KIAA1217: variants seen among roughly 807,000 people sequenced by gnomAD.
KIAA1217 encodes the protein KIAA1217.
A neutral mutation model predicts 163.9 loss-of-function variants in KIAA1217; 88 were observed. The ratio of observed to expected loss-of-function variants is 0.54; its 90% CI spans 0.45 to 0.64. The LOEUF (loss-of-function observed/expected upper bound fraction) is 0.64, where lower values mean the gene tolerates loss of function less well. Ranked by LOEUF, KIAA1217 falls within the 30% of genes least tolerant of loss-of-function variation. The pLI is 0.00. For synonymous variants in KIAA1217, 903 were observed against 923.1 expected, an observed-to-expected ratio of 0.98 and a Z score of 0.39; for missense variants, 2,372 against 2,475.0, an observed-to-expected ratio of 0.96 and a Z score of 0.88.
At chr10:23,930,250 T>C (rs1843203949) in intron 1 of KIAA1217, among the ~76,000 whole-genome samples, 1 of 151,600 alleles carries the variant, frequency 6.6e-6, no homozygotes, top group Admixed American at 6.6e-5. Context: ...GGTGCTTTTC[T>C]TATTGATTTA....
chr10:24,036,210 G>A (rs1848391924), intron 2 of KIAA1217, among the ~76,000 whole-genome samples: 1 of 152,224 alleles, frequency 6.6e-6, no homozygotes, highest in Admixed American at 6.5e-5. Flanking sequence ...TCAGAAACCA[G>A]GAAGAGAGTT....
At chr10:24,486,111 T>C (rs547807046) in intron 6 of KIAA1217, among the ~76,000 whole-genome samples, 25 of 152,304 alleles carry the variant, frequency 1.6e-4, no homozygotes, top group Admixed American at 8.5e-4. Flanking sequence ...CAGCTACCCA[T>C]TGGGCCAAGC....
At chr10:24,383,298 G>C (rs963676388) in intron 3 of KIAA1217, among the ~76,000 whole-genome samples, 1 of 152,120 alleles carries the variant, frequency 6.6e-6, no homozygotes, top group Non-Finnish European at 1.5e-5. Flanking sequence ...ATGCCTGTCC[G>C]CCTTCCCCCA....
At chr10:24,388,780 A>G (rs1363480941) in intron 3 of KIAA1217, among the ~76,000 whole-genome samples, 1 of 152,044 alleles carries the variant, frequency 6.6e-6, no homozygotes, top group Non-Finnish European at 1.5e-5. Flanking sequence ...GAAGACATTT[A>G]TGCATCCAAC....
At chr10:24,459,017 C>G (rs182164861) in intron 5 of KIAA1217, among the ~76,000 whole-genome samples, 2 of 152,104 alleles carry the variant, frequency 1.3e-5, no homozygotes, top group African/African-American at 4.8e-5. Flanking sequence ...CGGCACCACC[C>G]GAGACCTACT....
rs140091105 is a variant in KIAA1217, at chr10:23,796,156, G to T, written c.-321+100922G>T. On this transcript the variant is annotated intron_variant, in intron 1 of 18. Coordinates refer to the KIAA1217 transcript ENST00000376462. ...CATGCCATGCAAAGATTTTAGCTTTGGTTCCCAAAGGACATAGGGGTGTGT... is the reference window on the plus strand; with the variant it reads ...CATGCCATGCAAAGATTTTAGCTTTTGTTCCCAAAGGACATAGGGGTGTGT... 3.3e-5 allele frequency among the ~76,000 whole-genome samples: 5 copies of T among 152,022 alleles called. No homozygotes were observed. The East Asian group carries it at 9.7e-4, about 30-fold the overall frequency.
intron 1 of KIAA1217, among the ~76,000 whole-genome samples, chr10:23,844,710 T>C (rs568728056): frequency 1.1e-4 from 16 of 152,066 alleles, no homozygotes; most frequent in African/African-American, 3.6e-4. Flanking sequence ...TTCTTTTCTT[T>C]TTTTTTTTAA....
At chr10:24,321,128 A>G (rs1427058813) in intron 2 of KIAA1217, among the ~76,000 whole-genome samples, 1 of 152,188 alleles carries the variant, frequency 6.6e-6, no homozygotes, top group African/African-American at 2.4e-5. Flanking sequence ...GAAAAAAATA[A>G]AAATAGAATT....
intron 1 of KIAA1217, among the ~76,000 whole-genome samples, chr10:23,887,155 C>A (rs1841213364): frequency 6.6e-6 from 1 of 151,480 alleles, no homozygotes; most frequent in Non-Finnish European, 1.5e-5. Flanking sequence ...ACTCAGTTTC[C>A]CAAATTATAA....
chr10:24,128,161 A>G (rs2063532404), intron 2 of KIAA1217, among the ~76,000 whole-genome samples: 1 of 152,094 alleles, frequency 6.6e-6, no homozygotes, highest in African/African-American at 2.4e-5. Flanking sequence ...GAATCTTTTT[A>G]TTTTCTTAAT....
chr10:24,133,111 G>A lies in KIAA1217; in HGVS notation c.-170-86515G>A, dbSNP rs144558404. On this transcript the variant is annotated intron_variant, in intron 2 of 18. Coordinates refer to the KIAA1217 transcript ENST00000376462. Reference sequence around the variant, plus strand: ...GAACCTCAGGAGAGAAAACCTTTAAGTGGAGCCTAGATCCCTAGGGGCTGA... The same window carrying A: ...GAACCTCAGGAGAGAAAACCTTTAAATGGAGCCTAGATCCCTAGGGGCTGA... Among the ~76,000 whole-genome samples the A allele has an allele frequency of 2.9e-3, 448 of 151,994 alleles. 2 individuals are homozygous for A. The highest frequency in any genetic ancestry group is 4.7e-3 in the Admixed American group (71 of 15,268).
At chr10:24,529,561 G>A (rs1258742195) in intron 14 of KIAA1217, among the ~76,000 whole-genome samples, 1 of 151,920 alleles carries the variant, frequency 6.6e-6, no homozygotes, top group Non-Finnish European at 1.5e-5. Context: ...GGATGCAGAG[G>A]ACCAACTGCA....
At chr10:24,482,096 A>G (rs1433335987) in intron 6 of KIAA1217, 1 of 152,206 alleles carries the variant, frequency 6.6e-6, no homozygotes, top group Non-Finnish European at 1.5e-5. Context: ...TGATAAACAT[A>G]CTAGACCAAC....
At chr10:24,085,952 A>G (rs2061685256) in intron 2 of KIAA1217, among the ~76,000 whole-genome samples, 1 of 150,432 alleles carries the variant, frequency 6.6e-6, no homozygotes, top group Admixed American at 6.6e-5. Flanking sequence ...CAGCCTGGGC[A>G]ACAAAGCGAG....
At chr10:24,157,562 C>T (rs1462729187) in intron 2 of KIAA1217, among the ~76,000 whole-genome samples, 1 of 152,056 alleles carries the variant, frequency 6.6e-6, no homozygotes, top group East Asian at 1.9e-4. Flanking sequence ...CTTTCCTTGA[C>T]CCAAGGTCAC....
intron 5 of KIAA1217, among the ~76,000 whole-genome samples, chr10:24,442,307 T>C (rs2060562606): frequency 6.6e-6 from 1 of 152,208 alleles, no homozygotes; most frequent in Non-Finnish European, 1.5e-5. Context: ...TAACTCTTCT[T>C]CCTCTTGCCT....
At chr10:23,736,540 A>G (rs1170171603) in intron 1 of KIAA1217, among the ~76,000 whole-genome samples, 1 of 152,134 alleles carries the variant, frequency 6.6e-6, no homozygotes, top group East Asian at 1.9e-4. Context: ...TAGAGATTTT[A>G]GAGATGGGGT....
intron 5 of KIAA1217, among the ~76,000 whole-genome samples, chr10:24,463,364 T>G (rs1302830338): frequency 6.6e-6 from 1 of 152,246 alleles, no homozygotes; most frequent in Non-Finnish European, 1.5e-5. Context: ...AACGCTCATC[T>G]TAAATATAGC....
At chr10:24,192,097 A>C (rs1224550989) in intron 2 of KIAA1217, among the ~76,000 whole-genome samples, 1 of 152,256 alleles carries the variant, frequency 6.6e-6, no homozygotes, top group Non-Finnish European at 1.5e-5. Context: ...GGGTGTTAAC[A>C]CAAGAGCCTT....
Sources: allele counts gnomAD v4.1 joint callset (sites outside exome capture counted in the v4.1 genomes callset), GRCh38; gene constraint gnomAD v4.1.1; transcripts MANE v1.5; gene names NCBI Gene and HGNC (gene_info 2026-07-23, HGNC 2026-07-21).